The following CRIM1 variants were observed in gnomAD, a reference collection of about 807,000 sequenced individuals.
CRIM1 encodes the protein cysteine-rich motor neuron 1 protein.
CRIM1 carries 32 observed loss-of-function variants against 116.4 expected under a neutral mutation model. The ratio of observed to expected loss-of-function variants is 0.27; its 90% CI spans 0.21 to 0.37. CRIM1 has a LOEUF of 0.37. CRIM1 is among the 10% of genes least tolerant of loss of function. The pLI is 1.00. For synonymous variants in CRIM1, 590 were observed against 509.2 expected, an observed-to-expected ratio of 1.16 and a Z score of -2.13; for missense variants, 1,331 against 1,354.8, an observed-to-expected ratio of 0.98 and a Z score of 0.28.
chr2:36,442,953 C>G (rs1467697963), intron 4 of CRIM1, among the ~76,000 whole-genome samples: 1 of 152,086 alleles, frequency 6.6e-6, no homozygotes, highest in Non-Finnish European at 1.5e-5. Context: ...CTTATAGATT[C>G]TTTCTGTAAG....
At chr2:36,425,088 T>A (rs1572700773) in intron 2 of CRIM1, among the ~76,000 whole-genome samples, 1 of 152,270 alleles carries the variant, frequency 6.6e-6, no homozygotes, top group East Asian at 1.9e-4. Context: ...CTGAGACCAA[T>A]CCATGCTAGC....
chr2:36,470,482 T>C (rs1303439733), intron 5 of CRIM1, among the ~76,000 whole-genome samples: 2 of 152,218 alleles, frequency 1.3e-5, no homozygotes, highest in African/African-American at 4.8e-5. Context: ...ATGCAGCTGA[T>C]AACTTTAAGC....
At position 36,483,608 on chromosome 2, in the gene CRIM1, C is replaced by T. The variant is rs529947345; in HGVS notation, c.1372+3914C>T. ...GGACCCTGAATGGACAGTGCCTCTG[C>T]GCTGCAGTGCATTATACCCTGAAAG... On this transcript the variant is annotated intron_variant, in intron 7 of 16. Transcript: ENST00000280527. Among the ~76,000 whole-genome samples the T allele has an allele frequency of 2.4e-4, 36 of 152,300 alleles. 2 individuals are homozygous for T. The South Asian group carries it at 4.8e-3, about 20-fold the overall frequency.
At chr2:36,435,408 T>A (rs919794910) in intron 2 of CRIM1, among the ~76,000 whole-genome samples, 2 of 151,944 alleles carry the variant, frequency 1.3e-5, no homozygotes, top group South Asian at 2.1e-4. Flanking sequence ...AAAATAGAAG[T>A]TTTCAGTGTC....
chr2:36,520,283 T>G (rs1665297215), intron 12 of CRIM1, among the ~76,000 whole-genome samples: 1 of 152,222 alleles, frequency 6.6e-6, no homozygotes. Flanking sequence ...CGGCTGTCCC[T>G]TCTTCTTCTT....
chr2:36,419,815 C>T (rs1032270928), intron 2 of CRIM1, among the ~76,000 whole-genome samples: 1 of 152,198 alleles, frequency 6.6e-6, no homozygotes, highest in Non-Finnish European at 1.5e-5. Flanking sequence ...CGCAGCACAT[C>T]TGAAATACCT....
At chr2:36,453,820 A>G (rs1676921895) in intron 4 of CRIM1, among the ~76,000 whole-genome samples, 1 of 152,230 alleles carries the variant, frequency 6.6e-6, no homozygotes, top group South Asian at 2.1e-4. Context: ...GAACGGTCAG[A>G]TTTGACTTTT....
intron 1 of CRIM1, among the ~76,000 whole-genome samples, chr2:36,360,827 G>A (rs896017292): frequency 2.0e-5 from 3 of 152,096 alleles, no homozygotes; most frequent in Admixed American, 2.0e-4. Flanking sequence ...AACGGGAGGG[G>A]GGCAAAATAT....
At position 36,513,746 on chromosome 2, in the gene CRIM1, G is replaced by T. The variant is rs939523811; in HGVS notation, c.1971G>T (p.Gln657His). 6.8e-6 allele frequency: 11 copies of T among 1,614,134 alleles called. No individual in the cohort carries two copies. Among genetic ancestry groups the T allele is most frequent in the Non-Finnish European group, 9.3e-6 (11 of 1,180,002 alleles). The change falls in exon 11 of 17, where the codon CAG (glutamine) becomes CAT (histidine). Residue 657 changes from glutamine (Q) to histidine (H), a missense_variant. Gln to His is a conservative substitution (Grantham distance 24). Coordinates refer to ENST00000280527, the MANE Select transcript of CRIM1 (RefSeq NM_016441.3). The part of the protein sequence containing the change: ...ACGNPTIHPG[Q>H]CCPSCADDFV... ...GCAACCCCACCATTCACCCTGGACA[G>T]TGCTGCCCATCATGTGCAGGTAAAA...
rs760793953 is a variant in CRIM1 at position 36,513,711 on chromosome 2, C to T, written c.1936C>T (p.Pro646Ser). 1.2e-6 allele frequency: 2 copies of T among 1,614,224 alleles called. No homozygotes were observed. The highest frequency in any genetic ancestry group is 1.7e-6 in the Non-Finnish European group (2 of 1,180,028). ...EMCALITCPVPACGNPTIHPG... is the reference protein window; with the variant it reads ...EMCALITCPVSACGNPTIHPG... Reference sequence around the variant, plus strand: ...GTGTGCCCTGATCACCTGCCCGGTGCCTGCCTGTGGCAACCCCACCATTCA... The same window carrying T: ...GTGTGCCCTGATCACCTGCCCGGTGTCTGCCTGTGGCAACCCCACCATTCA... The change falls in exon 11 of 17, where the codon CCT (proline) becomes TCT (serine). Residue 646 changes from proline (P) to serine (S), a missense_variant. Physicochemically the swap from Pro to Ser is moderately conservative, Grantham distance 74 (BLOSUM62 -1). Coordinates refer to ENST00000280527, the MANE Select transcript of CRIM1 (RefSeq NM_016441.3).
rs1312796211 is a variant in CRIM1, at chr2:36,498,746, T to G, written c.1373-473T>G. Among the ~76,000 whole-genome samples the G allele has an allele frequency of 2.0e-5, 3 of 152,242 alleles. No homozygotes were observed. In the South Asian group the frequency reaches 6.2e-4, roughly 32 times the overall value. ...GAAATCCAGGTGTTTTAAGCTAGTCTCAAAAACTGATTTATTAATTTGGAA... is the reference window on the plus strand; with the variant it reads ...GAAATCCAGGTGTTTTAAGCTAGTCGCAAAAACTGATTTATTAATTTGGAA... On this transcript the variant is annotated intron_variant, in intron 7 of 16. Coordinates refer to ENST00000280527, the MANE Select transcript of CRIM1 (RefSeq NM_016441.3).
At chr2:36,504,016 A>G (rs1259518012) in intron 8 of CRIM1, among the ~76,000 whole-genome samples, 2 of 152,016 alleles carry the variant, frequency 1.3e-5, no homozygotes, top group African/African-American at 4.8e-5. Context: ...GACTACAGGC[A>G]CTGCCACCAC....
At chr2:36,474,203 T>G (rs564712889) in intron 5 of CRIM1, among the ~76,000 whole-genome samples, 14 of 152,322 alleles carry the variant, frequency 9.2e-5, no homozygotes, top group African/African-American at 3.4e-4. Flanking sequence ...ATCGTTTAAT[T>G]ATGGGAGTTC....
At chr2:36,379,556 C>T (rs1483749083) in intron 1 of CRIM1, among the ~76,000 whole-genome samples, 1 of 152,030 alleles carries the variant, frequency 6.6e-6, no homozygotes, top group East Asian at 1.9e-4. Context: ...TGCAGTCTTC[C>T]GAACAGAGCA....
intron 2 of CRIM1, among the ~76,000 whole-genome samples, chr2:36,436,705 C>G (rs1675340105): frequency 6.6e-6 from 1 of 152,164 alleles, no homozygotes; most frequent in Non-Finnish European, 1.5e-5. Flanking sequence ...TGAGACCACA[C>G]ATACATACAC....
chr2:36,458,342 G>A (rs912941430), intron 4 of CRIM1, among the ~76,000 whole-genome samples: 1 of 152,152 alleles, frequency 6.6e-6, no homozygotes, highest in South Asian at 2.1e-4. Flanking sequence ...TGCTGAAAGG[G>A]CTGTGGGAGG....
rs76261708 is a variant in CRIM1 at position 36,383,424 on chromosome 2, A to G, written c.332-13190A>G. ...CCCAAAAGATTTTAAATATGAATGC[A>G]TAAGTAGTGAATAAACAAACCTGAA... On this transcript the variant is annotated intron_variant, in intron 1 of 16. Transcript: ENST00000280527. Among the ~76,000 whole-genome samples, 994 of 152,362 alleles carry G rather than the reference A, an allele frequency of 6.5e-3. 12 individuals are homozygous for G. The highest frequency in any genetic ancestry group is 0.041 in the Middle Eastern group (12 of 294).
chr2:36,462,218 T>C (rs150104828), intron 4 of CRIM1, among the ~76,000 whole-genome samples: 4 of 151,938 alleles, frequency 2.6e-5, no homozygotes, highest in Non-Finnish European at 5.9e-5. Context: ...AAAAAAAAAA[T>C]AGGAATATTT....
intron 4 of CRIM1, among the ~76,000 whole-genome samples, chr2:36,450,949 A>T (rs1676671309): frequency 6.6e-6 from 1 of 152,210 alleles, no homozygotes; most frequent in Non-Finnish European, 1.5e-5. Flanking sequence ...CAGAATTCAC[A>T]GCCTGAAATT....
Sources: gnomAD v4.1 joint callset for allele counts (sites outside exome capture counted in the v4.1 genomes callset) on GRCh38, gnomAD v4.1.1 for gene constraint, MANE v1.5 for transcripts, NCBI Gene and HGNC (gene_info 2026-07-23, HGNC 2026-07-21) for gene names.